The following NKAIN3 variants were observed in gnomAD, a reference collection of about 807,000 sequenced individuals.
NKAIN3 encodes the protein sodium/potassium transporting ATPase interacting 3.
NKAIN3 carries 25 observed loss-of-function variants against 30.2 expected under a neutral mutation model. The ratio of observed to expected loss-of-function variants is 0.83; its 90% confidence interval spans 0.60 to 1.16. NKAIN3 has a LOEUF of 1.16. NKAIN3 is among the 50% of genes most tolerant of loss of function. The probability of loss-of-function intolerance (pLI) is 0.00; values close to 1 mark genes in which losing one functional copy is unlikely to be tolerated. For missense variants in NKAIN3, 225 were observed against 254.1 expected, an observed-to-expected ratio of 0.89 and a Z score of 0.78; for synonymous variants, 91 against 89.6, an observed-to-expected ratio of 1.02 and a Z score of -0.09.
intron 3 of NKAIN3, among the ~76,000 whole-genome samples, chr8:62,611,457 G>A (rs74792139): frequency 0.11 from 16,129 of 151,906 alleles, 1,074 homozygotes; most frequent in East Asian, 0.32. Flanking sequence ...TCAGACTCCC[G>A]CTCTGGAAAT....
At position 62,544,157 on chromosome 8, in the gene NKAIN3, A is replaced by C. The variant is rs1055779020; in HGVS notation, c.55-35382A>C. Among the ~76,000 whole-genome samples the C allele has an allele frequency of 2.6e-5, 4 of 152,002 alleles. No individual in the cohort carries two copies. The East Asian group carries it at 7.8e-4, about 29-fold the overall frequency. ...GCCAGAACTACAGGTGCACACTGCCACATCTGGCTAATTTTTAGTATTTTT... is the reference window on the plus strand; with the variant it reads ...GCCAGAACTACAGGTGCACACTGCCCCATCTGGCTAATTTTTAGTATTTTT... On this transcript the variant is annotated intron_variant, in intron 1 of 6. Coordinates refer to ENST00000623646, the MANE Select transcript of NKAIN3 (RefSeq NM_001304533.3).
chr8:62,672,855 A>G (rs1173172996), intron 3 of NKAIN3, among the ~76,000 whole-genome samples: 1 of 152,182 alleles, frequency 6.6e-6, no homozygotes, highest in Non-Finnish European at 1.5e-5. Context: ...TTATCTAAAA[A>G]AATTGATTTT....
chr8:62,613,039 TAA>T (rs34308333), intron 3 of NKAIN3, among the ~76,000 whole-genome samples: 39,943 of 151,864 alleles, frequency 0.26, 5,772 homozygotes, highest in African/African-American at 0.39. Flanking sequence ...CTACTTAGAA[TAA>T]GAGTAGTTTA....
At chr8:62,932,230 G>T (rs1822640228) in intron 5 of NKAIN3, among the ~76,000 whole-genome samples, 1 of 152,258 alleles carries the variant, frequency 6.6e-6, no homozygotes, top group African/African-American at 2.4e-5. Context: ...ACTCATTCAA[G>T]AAGCAATTAT....
At chr8:62,908,346 C>T (rs959226773) in intron 4 of NKAIN3, among the ~76,000 whole-genome samples, 2 of 144,444 alleles carry the variant, frequency 1.4e-5, no homozygotes, top group African/African-American at 2.9e-5. Context: ...AGACTTTGGA[C>T]TCTGGATTTT....
At chr8:62,757,103 ATAAT>A (rs1255505782) in intron 4 of NKAIN3, among the ~76,000 whole-genome samples, 2 of 152,308 alleles carry the variant, frequency 1.3e-5, no homozygotes, top group East Asian at 3.9e-4. Context: ...GATCCGTTTA[ATAAT>A]TAATCGAGCC....
intron 4 of NKAIN3, chr8:62,863,445 A>G (rs906571957): frequency 2.6e-6 from 4 of 1,556,234 alleles, no homozygotes; most frequent in African/African-American, 2.7e-5. Context: ...TACTGTGTAG[A>G]TATTCTAACC....
intron 1 of NKAIN3, among the ~76,000 whole-genome samples, chr8:62,441,004 T>C (rs1805308131): frequency 6.6e-6 from 1 of 152,160 alleles, no homozygotes; most frequent in South Asian, 2.1e-4. Context: ...TTTTGAAGGC[T>C]TCATCTGGTG....
Position 62,965,429 on chromosome 8 carries a change from C to T in NKAIN3, c.*22C>T, listed in dbSNP as rs1038279347. The T allele has an allele frequency of 2.6e-4, 259 of 985,498 alleles. No homozygotes were observed. The highest frequency in any genetic ancestry group is 5.2e-4 in the Middle Eastern group (1 of 1,938). 61.0% of individuals were successfully genotyped at this position (985,498 alleles called of 1,614,324 possible). On this transcript the variant is annotated 3_prime_UTR_variant, in exon 7 of 7. Coordinates refer to ENST00000623646, the MANE Select transcript of NKAIN3 (RefSeq NM_001304533.3). ...TTAGGGAGCAAAGGACCATTGACTG[C>T]GCGCCTCGGTGGATCCGACCCGCCT...
chr8:62,249,341 G>A (rs1229687375), intron 1 of NKAIN3, among the ~76,000 whole-genome samples: 1 of 152,146 alleles, frequency 6.6e-6, no homozygotes, highest in African/African-American at 2.4e-5. Context: ...GGAGGGCGCG[G>A]TCTCACCCCC....
intron 1 of NKAIN3, among the ~76,000 whole-genome samples, chr8:62,502,550 TCTC>T (rs1000760146): frequency 4.0e-5 from 6 of 151,518 alleles, no homozygotes; most frequent in African/African-American, 1.5e-4. Flanking sequence ...TCCTTCTCCT[TCTC>T]CTTCTTCTTC....
intron 1 of NKAIN3, among the ~76,000 whole-genome samples, chr8:62,495,873 G>A (rs1043623061): frequency 2.6e-5 from 4 of 152,078 alleles, no homozygotes; most frequent in Non-Finnish European, 5.9e-5. Flanking sequence ...TGACCTCCAA[G>A]CTCTTTCTTT....
intron 4 of NKAIN3, among the ~76,000 whole-genome samples, chr8:62,879,842 G>C (rs1252631644): frequency 6.6e-6 from 1 of 152,090 alleles, no homozygotes; most frequent in African/African-American, 2.4e-5. Context: ...TTGCACCAAG[G>C]ACTCAGAATC....
At position 62,339,506 on chromosome 8, in the gene NKAIN3, G is replaced by A. The variant is rs117095025; in HGVS notation, c.54+90379G>A. On this transcript the variant is annotated intron_variant, in intron 1 of 6. Transcript: ENST00000623646. ...TCAGCTTCTACACTGACTATTTCCTGTGGAATTTTTGGTTCTTGTAAGTTA... is the reference window on the plus strand; with the variant it reads ...TCAGCTTCTACACTGACTATTTCCTATGGAATTTTTGGTTCTTGTAAGTTA... 8.2e-3 allele frequency among the ~76,000 whole-genome samples: 1,254 copies of A among 152,116 alleles called. 11 individuals carry two copies. The highest frequency in any genetic ancestry group is 0.015 in the Non-Finnish European group (988 of 67,950).
chr8:62,478,149 A>C (rs1806580715), intron 1 of NKAIN3, among the ~76,000 whole-genome samples: 1 of 152,058 alleles, frequency 6.6e-6, no homozygotes, highest in Non-Finnish European at 1.5e-5. Context: ...ACAAACATGT[A>C]ACTGATAGGA....
intron 3 of NKAIN3, among the ~76,000 whole-genome samples, chr8:62,647,964 T>G (rs1018506809): frequency 2.6e-5 from 4 of 151,632 alleles, no homozygotes; most frequent in African/African-American, 9.7e-5. Flanking sequence ...GCAGGTGGGG[T>G]GGATTTAGAG....
chr8:62,363,399 G>A (rs183673116), intron 1 of NKAIN3, among the ~76,000 whole-genome samples: 1 of 152,196 alleles, frequency 6.6e-6, no homozygotes, highest in Admixed American at 6.5e-5. Flanking sequence ...AGCCCTTATA[G>A]TAGAACAGTA....
chr8:62,279,473 C>T (rs1813093979), intron 1 of NKAIN3, among the ~76,000 whole-genome samples: 1 of 152,124 alleles, frequency 6.6e-6, no homozygotes, highest in African/African-American at 2.4e-5. Context: ...AATGGTATTG[C>T]CTAGGCTTTC....
intron 1 of NKAIN3, among the ~76,000 whole-genome samples, chr8:62,250,687 C>T (rs1014519233): frequency 6.6e-6 from 1 of 152,246 alleles, no homozygotes; most frequent in African/African-American, 2.4e-5. Flanking sequence ...TTTATCAATG[C>T]AATTATGATT....
Sources: gnomAD v4.1 joint callset for allele counts (sites outside exome capture counted in the v4.1 genomes callset) on GRCh38, gnomAD v4.1.1 for gene constraint, MANE v1.5 for transcripts, NCBI Gene and HGNC (gene_info 2026-07-23, HGNC 2026-07-21) for gene names.